The following CNTNAP5 variants were observed in gnomAD, a reference collection of about 807,000 sequenced individuals.
The protein encoded by CNTNAP5 is contactin-associated protein-like 5.
CNTNAP5 carries 72 observed loss-of-function variants against 150.2 expected under a neutral mutation model. The observed-to-expected ratio is 0.48, with a 90% CI of 0.40 to 0.58. CNTNAP5 has a LOEUF of 0.58. Ranked by LOEUF, CNTNAP5 falls within the 20% of genes least tolerant of loss-of-function variation. The pLI is 0.00. For missense variants in CNTNAP5, 1,636 were observed against 1,626.2 expected, an observed-to-expected ratio of 1.01 and a Z score of -0.10; for synonymous variants, 672 against 619.8, an observed-to-expected ratio of 1.08 and a Z score of -1.25.
chr2:124,546,608 T>C (rs938319038), intron 10 of CNTNAP5, among the ~76,000 whole-genome samples: 7 of 151,940 alleles, frequency 4.6e-5, no homozygotes, highest in African/African-American at 1.7e-4. Flanking sequence ...CTCTGGGAGG[T>C]AGTTGGTAGT....
At chr2:124,536,313 A>G (rs1573443670) in intron 10 of CNTNAP5, among the ~76,000 whole-genome samples, 1 of 152,328 alleles carries the variant, frequency 6.6e-6, no homozygotes, top group South Asian at 2.1e-4. Flanking sequence ...TGCAAGGCCT[A>G]CCAAGTGGGT....
intron 2 of CNTNAP5, among the ~76,000 whole-genome samples, chr2:124,231,300 T>G (rs940567933): frequency 6.6e-6 from 1 of 152,156 alleles, no homozygotes; most frequent in African/African-American, 2.4e-5. Flanking sequence ...TGTTGAAAAC[T>G]TTTGTTCTTC....
At chr2:124,857,545 GC>G (rs1355179880) in intron 19 of CNTNAP5, among the ~76,000 whole-genome samples, 2 of 151,998 alleles carry the variant, frequency 1.3e-5, no homozygotes, top group Non-Finnish European at 2.9e-5. Context: ...CCCAACTCAG[GC>G]CAGGCAGGGG....
intron 11 of CNTNAP5, among the ~76,000 whole-genome samples, chr2:124,600,530 T>C (rs1213203303): frequency 6.6e-6 from 1 of 152,160 alleles, no homozygotes; most frequent in Non-Finnish European, 1.5e-5. Context: ...GTCTGTGCTA[T>C]GCTCTTGCAC....
chr2:124,075,916 T>C (rs1291912446), intron 1 of CNTNAP5, among the ~76,000 whole-genome samples: 4 of 152,166 alleles, frequency 2.6e-5, no homozygotes, highest in African/African-American at 9.6e-5. Context: ...GCCATGTTTT[T>C]GGAGGGCTTT....
intron 1 of CNTNAP5, among the ~76,000 whole-genome samples, chr2:124,192,850 T>A (rs2104697272): frequency 6.6e-6 from 1 of 152,316 alleles, no homozygotes; most frequent in East Asian, 1.9e-4. Flanking sequence ...TTCTTAGCAT[T>A]TATCATTTAC....
chr2:124,137,180 G>A (rs1683993133), intron 1 of CNTNAP5, among the ~76,000 whole-genome samples: 1 of 152,018 alleles, frequency 6.6e-6, no homozygotes, highest in Non-Finnish European at 1.5e-5. Context: ...CTGGCTACTG[G>A]CCTGCTGTCC....
chr2:124,448,082 C>T (rs1294710398), intron 6 of CNTNAP5, among the ~76,000 whole-genome samples: 1 of 151,966 alleles, frequency 6.6e-6, no homozygotes, highest in Non-Finnish European at 1.5e-5. Context: ...TCCTGGCTAA[C>T]ATGGTGAAAC....
intron 8 of CNTNAP5, among the ~76,000 whole-genome samples, chr2:124,504,811 A>G (rs1187939477): frequency 1.4e-5 from 2 of 144,958 alleles, no homozygotes; most frequent in East Asian, 4.2e-4. Context: ...GGTTCAAGTG[A>G]TTCTCCTGCC....
Position 124,486,074 on chromosome 2 carries a change from T to C in CNTNAP5, c.1062+11192T>C, listed in dbSNP as rs1693873976. On this transcript the variant is annotated intron_variant, in intron 7 of 23. Transcript: ENST00000682447. ...CCAGCCTAAATGCCCATCCACCAAA[T>C]GGAAAAGGAAAATGTGGTATATATG... 2.0e-5 allele frequency among the ~76,000 whole-genome samples: 3 copies of C among 151,670 alleles called. No homozygotes were observed. In the South Asian group the frequency reaches 6.2e-4, roughly 32 times the overall value.
chr2:124,254,587 T>C (rs2104783978), intron 3 of CNTNAP5, among the ~76,000 whole-genome samples: 1 of 152,316 alleles, frequency 6.6e-6, no homozygotes, highest in South Asian at 2.1e-4. Flanking sequence ...AGCCAGAAAT[T>C]TAACAATGAC....
chr2:124,494,678 T>C (rs1280690101), intron 7 of CNTNAP5, among the ~76,000 whole-genome samples: 1 of 152,220 alleles, frequency 6.6e-6, no homozygotes, highest in Non-Finnish European at 1.5e-5. Context: ...GACTAAAGAT[T>C]GCAGTAGAGG....
At position 124,730,526 on chromosome 2, in the gene CNTNAP5, GA is replaced by G. The variant is rs373456294; in HGVS notation, c.2078-16700del. ...CTTCTTCTCTACCTTTTATGATGTG[GA>G]AACATAGCAACTAGTATGTTGTAAG... is the stretch of plus-strand genomic sequence containing the variant. On this transcript the variant is annotated intron_variant, in intron 13 of 23. Coordinates refer to ENST00000682447, the MANE Select transcript of CNTNAP5 (RefSeq NM_001367498.1). 4.1e-4 allele frequency among the ~76,000 whole-genome samples: 62 copies of G among 152,066 alleles called. No homozygotes were observed. In the East Asian group the frequency reaches 0.011, roughly 28 times the overall value.
chr2:124,446,892 C>G lies in CNTNAP5; in HGVS notation c.873C>G (p.His291Gln). ...TCACGGTGGACAAGCACACACAGCA[C>G]TTCCGCACCAAGGGCGAGACGGATG... The part of the protein sequence containing the change: ...VNFTVDKHTQ[H>Q]FRTKGETDAL... Residue 291 changes from histidine (H) to glutamine (Q), a missense_variant, in exon 6 of 24, where the codon CAC (histidine) becomes CAG (glutamine). His to Gln is a conservative substitution (Grantham distance 24). Coordinates refer to ENST00000682447, the MANE Select transcript of CNTNAP5 (RefSeq NM_001367498.1). The G allele has an allele frequency of 6.2e-7, 1 of 1,613,948 alleles. No homozygotes were observed. Among genetic ancestry groups the G allele is most frequent in the Non-Finnish European group, 8.5e-7 (1 of 1,179,854 alleles).
At chr2:124,057,223 C>T (rs1457506751) in intron 1 of CNTNAP5, among the ~76,000 whole-genome samples, 6 of 151,530 alleles carry the variant, frequency 4.0e-5, no homozygotes, top group South Asian at 2.1e-4. Flanking sequence ...GGTAGTTATA[C>T]CTTTATACCT....
At chr2:124,397,707 C>T (rs1278329704) in intron 3 of CNTNAP5, among the ~76,000 whole-genome samples, 1 of 152,120 alleles carries the variant, frequency 6.6e-6, no homozygotes, top group African/African-American at 2.4e-5. Context: ...GATGAATAGA[C>T]TAAGATTCTG....
At position 124,342,791 on chromosome 2, in the gene CNTNAP5, G is replaced by A. The variant is rs1269084559; in HGVS notation, c.382-74652G>A. ...AGAAAAACAAAGTCTTGCTAAATAC[G>A]GAAGACAAAATATAAAAAGAATCAG... On this transcript the variant is annotated intron_variant, in intron 3 of 23. Coordinates refer to ENST00000682447, the MANE Select transcript of CNTNAP5 (RefSeq NM_001367498.1). Among the ~76,000 whole-genome samples, 12 of 152,046 alleles carry A rather than the reference G, an allele frequency of 7.9e-5. No individual in the cohort carries two copies. The East Asian group carries it at 1.5e-3, about 20-fold the overall frequency.
chr2:124,860,511 CCT>C (rs1677502062), intron 19 of CNTNAP5, among the ~76,000 whole-genome samples: 1 of 125,770 alleles, frequency 8.0e-6, no homozygotes, highest in African/African-American at 3.5e-5. Context: ...TTCTTTCCTT[CCT>C]TCCTTCCTTC....
At chr2:124,651,385 G>T (rs977886577) in intron 13 of CNTNAP5, among the ~76,000 whole-genome samples, 2 of 152,164 alleles carry the variant, frequency 1.3e-5, no homozygotes, top group Admixed American at 1.3e-4. Flanking sequence ...GAAAGACAAA[G>T]AAATATTTAA....
Sources: gnomAD v4.1 joint callset for allele counts (sites outside exome capture counted in the v4.1 genomes callset) on GRCh38, gnomAD v4.1.1 for gene constraint, MANE v1.5 for transcripts, NCBI Gene and HGNC (gene_info 2026-07-23, HGNC 2026-07-21) for gene names.